Variants in RTTN observed in about 807,000 individuals in gnomAD.
RTTN encodes the protein rotatin.
RTTN carries 182 observed loss-of-function variants against 269.2 expected under a neutral mutation model. The ratio of observed to expected loss-of-function variants is 0.68; its 90% CI spans 0.60 to 0.76. The LOEUF (loss-of-function observed/expected upper bound fraction) is 0.76. Among genes scored for constraint, RTTN ranks in the 30% least tolerant of loss-of-function variants. The pLI, the probability that RTTN is intolerant of heterozygous loss-of-function variation, is 0.00. For synonymous variants in RTTN, 1,006 were observed against 963.5 expected (o/e 1.04, Z -0.82); for missense variants, 2,545 against 2,608.6 (o/e 0.98, Z 0.53).
At chr18:70,186,220 C>T (rs2061543655) in intron 10 of RTTN, among the ~76,000 whole-genome samples, 1 of 152,124 alleles carries the variant, frequency 6.6e-6, no homozygotes, top group Admixed American at 6.5e-5. Flanking sequence ...TGTGGTATGT[C>T]CACACAATGT....
intron 32 of RTTN, 84 bp from the exon 33 acceptor site, chr18:70,075,625 A>G: frequency 5.5e-6 from 6 of 1,086,582 alleles, no homozygotes; most frequent in African/African-American, 1.6e-5. Context: ...CTCTCGAGGA[A>G]ACAAATGGGT....
chr18:70,060,514 C>T (rs1248904482), intron 35 of RTTN, among the ~76,000 whole-genome samples: 1 of 151,984 alleles, frequency 6.6e-6, no homozygotes, highest in Non-Finnish European at 1.5e-5. Flanking sequence ...ATGGGGTACA[C>T]ATGATATTTT....
intron 32 of RTTN, among the ~76,000 whole-genome samples, chr18:70,082,707 T>A (rs1176332993): frequency 6.6e-6 from 1 of 152,142 alleles, no homozygotes; most frequent in Non-Finnish European, 1.5e-5. Flanking sequence ...TTTTTGTTTT[T>A]AGAGACAGGG....
chr18:70,026,707 G>GC (rs1014852596), intron 43 of RTTN, among the ~76,000 whole-genome samples: 6 of 151,980 alleles, frequency 3.9e-5, no homozygotes, highest in Admixed American at 2.6e-4. Context: ...GTTGTTTTCT[G>GC]CCCCCTCTTA....
chr18:70,187,974 A>G, intron 10 of RTTN, 134 bp downstream of exon 10: 1 of 601,638 alleles, frequency 1.7e-6, no homozygotes, highest in South Asian at 2.2e-5. Flanking sequence ...GCTATTTATA[A>G]CATAAGCCTG....
intron 14 of RTTN, among the ~76,000 whole-genome samples, chr18:70,153,354 A>G (rs186985354): frequency 2.9e-4 from 44 of 152,200 alleles, no homozygotes; most frequent in African/African-American, 1.1e-3. Context: ...TTTCTTAATT[A>G]TTACATACAT....
rs36147576 is a variant in RTTN, at chr18:70,112,483, C to CAAAAAAAAA, written c.3683+1953_3683+1961dup. On this transcript the variant is annotated intron_variant, in intron 27 of 48. Coordinates refer to ENST00000640769, the MANE Select transcript of RTTN (RefSeq NM_173630.4). Reference sequence around the variant, plus strand: ...GATGATTTATCAAGCAAATGGAAAGCAAAAAAAAAAAAAAAAAAGCAAGAG... The same window carrying CAAAAAAAAA: ...GATGATTTATCAAGCAAATGGAAAGCAAAAAAAAAAAAAAAAAAAAAAAAAAAGCAAGAG... Among the ~76,000 whole-genome samples the CAAAAAAAAA allele has an allele frequency of 2.1e-3, 140 of 67,982 alleles. 2 individuals are homozygous for CAAAAAAAAA. Among genetic ancestry groups the CAAAAAAAAA allele is most frequent in the Middle Eastern group, 0.019 (1 of 54 alleles). The allele number at this position is 67,982 out of a possible 152,430, so 44.6% of individuals were successfully genotyped here.
At chr18:70,117,808 A>G (rs1392126538) in intron 26 of RTTN, among the ~76,000 whole-genome samples, 2 of 152,084 alleles carry the variant, frequency 1.3e-5, no homozygotes, top group East Asian at 1.9e-4. Context: ...GTGATAAAAA[A>G]CTAGAAGTCA....
intron 45 of RTTN, among the ~76,000 whole-genome samples, chr18:70,018,833 T>C (rs2056618974): frequency 2.1e-5 from 3 of 144,132 alleles, no homozygotes. Context: ...CTCCTTTTTT[T>C]TTTTTTTTTT....
intron 28 of RTTN, among the ~76,000 whole-genome samples, chr18:70,101,035 CTCTT>C (rs1242048852): frequency 6.6e-6 from 1 of 152,088 alleles, no homozygotes; most frequent in East Asian, 1.9e-4. Context: ...GTCTAAAATT[CTCTT>C]TTTTTGTTGT....
intron 34 of RTTN, among the ~76,000 whole-genome samples, chr18:70,067,570 A>C (rs2058177185): frequency 6.6e-6 from 1 of 152,246 alleles, no homozygotes; most frequent in South Asian, 2.1e-4. Context: ...TGTGAAGAAA[A>C]TAATCCTATG....
intron 24 of RTTN, 46 bp downstream of exon 24, chr18:70,128,312 C>A (rs754541271): frequency 3.8e-5 from 56 of 1,457,834 alleles, no homozygotes; most frequent in Non-Finnish European, 5.1e-5. Flanking sequence ...TAATTAATTA[C>A]AATTAATTAA....
chr18:70,006,376 C>T lies in RTTN; in HGVS notation c.6525+5G>A, dbSNP rs768266904. 6.2e-7 allele frequency: 1 copy of T among 1,608,752 alleles called. No homozygotes were observed. The highest frequency in any genetic ancestry group is 2.2e-5 in the East Asian group (1 of 44,814). On this transcript the variant is annotated splice_donor_5th_base_variant and intron_variant, in intron 47 of 48. Coordinates refer to ENST00000640769, the MANE Select transcript of RTTN (RefSeq NM_173630.4). The stretch of plus-strand genomic sequence containing the variant: ...CCAGGTGTAACAATGATTTTTAAAA[C>T]TGACCTTCTGATAATTGTAAATCAG...
intron 28 of RTTN, among the ~76,000 whole-genome samples, chr18:70,098,528 TCTTTAATATA>T (rs2059064077): frequency 6.6e-6 from 1 of 152,174 alleles, no homozygotes; most frequent in Admixed American, 6.5e-5. Flanking sequence ...TATCATTAAC[TCTTTAATATA>T]CCTGTTTTTT....
chr18:70,205,589 G>T (rs977631395), intron 1 of RTTN, 39 bp downstream of exon 1: 3 of 1,613,298 alleles, frequency 1.9e-6, no homozygotes, highest in African/African-American at 1.3e-5. Flanking sequence ...TGGCCAGAGC[G>T]CGGGGGGTGC....
intron 40 of RTTN, among the ~76,000 whole-genome samples, chr18:70,039,685 T>G (rs1373075254): frequency 6.6e-6 from 1 of 152,156 alleles, no homozygotes; most frequent in Non-Finnish European, 1.5e-5. Flanking sequence ...GTAATGGTGT[T>G]GTGTAAACTA....
intron 14 of RTTN, among the ~76,000 whole-genome samples, chr18:70,153,707 C>T (rs9963551): frequency 0.096 from 14,552 of 152,170 alleles, 1,468 homozygotes; most frequent in African/African-American, 0.26. Flanking sequence ...TATCATCTGA[C>T]AGACATAGCC....
At chr18:70,017,374 C>A (rs774834742) in intron 46 of RTTN, 33 bp downstream of exon 46, 28 of 1,587,500 alleles carry the variant, frequency 1.8e-5, no homozygotes, top group Non-Finnish European at 2.4e-5. Context: ...TGAATAACTA[C>A]ATATATAAAT....
At chr18:70,146,520 A>C (rs1406828640) in intron 17 of RTTN, among the ~76,000 whole-genome samples, 1 of 152,172 alleles carries the variant, frequency 6.6e-6, no homozygotes, top group African/African-American at 2.4e-5. Context: ...GCAATAATAC[A>C]AGTTGCCAGG....
Sources: gnomAD v4.1 joint callset for allele counts (sites outside exome capture counted in the v4.1 genomes callset) on GRCh38, gnomAD v4.1.1 for gene constraint, MANE v1.5 for transcripts, NCBI Gene and HGNC (gene_info 2026-07-23, HGNC 2026-07-21) for gene names.